The following AKR1C8 variants were observed in gnomAD, a reference collection of about 807,000 sequenced individuals.
The protein encoded by AKR1C8 is aldo-keto reductase family 1 member C-like protein 1.
the AKR1C8 span, among the ~76,000 whole-genome samples, chr10:5,135,798 T>G: frequency 2.6e-5 from 4 of 152,260 alleles, no homozygotes; most frequent in African/African-American, 9.6e-5. Flanking sequence ...TTTTAACAGG[T>G]GACAATAAAA....
chr10:5,129,338 T>C, the AKR1C8 span, among the ~76,000 whole-genome samples: 6 of 151,960 alleles, frequency 3.9e-5, no homozygotes, highest in Admixed American at 6.6e-5. Context: ...ACAGCACAAA[T>C]TGACAACCTA....
the AKR1C8 span, chr10:5,158,491 T>C: frequency 2.8e-5 from 11 of 387,028 alleles, no homozygotes; most frequent in Non-Finnish European, 5.8e-5. Context: ...TTTTCGCTTT[T>C]AATCTTTGAG....
At chr10:5,159,021 G>A in the AKR1C8 span, among the ~76,000 whole-genome samples, 42,758 of 152,010 alleles carry the variant, frequency 0.28, 6,820 homozygotes, top group Non-Finnish European at 0.36. Context: ...GCATATTCCA[G>A]TTCTGAGTGT....
the AKR1C8 span, among the ~76,000 whole-genome samples, chr10:5,177,359 T>C: frequency 6.6e-6 from 1 of 152,096 alleles, no homozygotes; most frequent in Non-Finnish European, 1.5e-5. Flanking sequence ...AGCTTTTTGA[T>C]GTGCTGCTGG....
the AKR1C8 span, among the ~76,000 whole-genome samples, chr10:5,143,547 C>A: frequency 2.0e-5 from 3 of 151,924 alleles, no homozygotes; most frequent in Admixed American, 6.6e-5. Context: ...TTTCAGAAAA[C>A]ATAATTGAAA....
At chr10:5,163,355 CCTGT>C in the AKR1C8 span, among the ~76,000 whole-genome samples, 4 of 152,116 alleles carry the variant, frequency 2.6e-5, no homozygotes, top group African/African-American at 9.6e-5. Context: ...AGCAACTGGC[CCTGT>C]CTGACAGCTG....
chr10:5,174,106 C>A, the AKR1C8 span, among the ~76,000 whole-genome samples: 1 of 151,806 alleles, frequency 6.6e-6, no homozygotes, highest in Non-Finnish European at 1.5e-5. Context: ...TGTCTTCCAA[C>A]TATACCTATT....
At chr10:5,159,467 T>C in the AKR1C8 span, among the ~76,000 whole-genome samples, 1 of 152,152 alleles carries the variant, frequency 6.6e-6, no homozygotes, top group Non-Finnish European at 1.5e-5. Flanking sequence ...CTTTTCAGTC[T>C]CCTTGCCAGT....
chr10:5,163,334 A>G, the AKR1C8 span, among the ~76,000 whole-genome samples: 1 of 152,232 alleles, frequency 6.6e-6, no homozygotes, highest in South Asian at 2.1e-4. Context: ...ATGGATAATT[A>G]TGCCACTGAA....
chr10:5,134,299 T>G, the AKR1C8 span, among the ~76,000 whole-genome samples: 1 of 152,298 alleles, frequency 6.6e-6, no homozygotes, highest in South Asian at 2.1e-4. Context: ...GTGTTGATGG[T>G]CTTCAAGATG....
At chr10:5,173,768 TAAAG>T in the AKR1C8 span, among the ~76,000 whole-genome samples, 1 of 152,004 alleles carries the variant, frequency 6.6e-6, no homozygotes, top group Non-Finnish European at 1.5e-5. Flanking sequence ...ATAATTTTCT[TAAAG>T]AACACTCAAC....
the AKR1C8 span, among the ~76,000 whole-genome samples, chr10:5,160,588 G>A: frequency 2.6e-5 from 4 of 152,116 alleles, no homozygotes; most frequent in Non-Finnish European, 2.9e-5. Context: ...AAGGCCAAAG[G>A]TGCCTCTATG....
the AKR1C8 span, among the ~76,000 whole-genome samples, chr10:5,175,921 G>A: frequency 5.3e-5 from 8 of 152,082 alleles, no homozygotes; most frequent in African/African-American, 1.7e-4. Flanking sequence ...CTCCCATTTC[G>A]TAGGTTGCCT....
chr10:5,116,804 G>A, the AKR1C8 span, among the ~76,000 whole-genome samples: 1 of 151,688 alleles, frequency 6.6e-6, no homozygotes, highest in East Asian at 1.9e-4. Context: ...GCTTTTGGGT[G>A]GCCCCTGCGT....
the AKR1C8 span, among the ~76,000 whole-genome samples, chr10:5,152,520 T>C: frequency 1.1e-4 from 16 of 152,194 alleles, no homozygotes; most frequent in African/African-American, 3.9e-4. Flanking sequence ...CAGATTGCCA[T>C]TGCAATTTAA....
the AKR1C8 span, chr10:5,132,502 T>C: frequency 8.6e-7 from 1 of 1,165,286 alleles, no homozygotes; most frequent in Non-Finnish European, 1.1e-6. Flanking sequence ...TTGGAACCAA[T>C]AAGCACAATT....
At chr10:5,132,358 T>G in the AKR1C8 span, among the ~76,000 whole-genome samples, 3 of 152,232 alleles carry the variant, frequency 2.0e-5, no homozygotes, top group African/African-American at 4.8e-5. Context: ...AAAAAATATT[T>G]TACTGATCTG....
At chr10:5,128,189 T>C in the AKR1C8 span, among the ~76,000 whole-genome samples, 1 of 152,092 alleles carries the variant, frequency 6.6e-6, no homozygotes, top group African/African-American at 2.4e-5. Context: ...CTATATTTCA[T>C]AATTGAAGGA....
chr10:5,153,157 A>G, the AKR1C8 span, among the ~76,000 whole-genome samples: 1 of 152,156 alleles, frequency 6.6e-6, no homozygotes, highest in African/African-American at 2.4e-5. Flanking sequence ...TAAAATTTTT[A>G]TTTTGTTTAA....
Sources: allele counts gnomAD v4.1 joint callset (sites outside exome capture counted in the v4.1 genomes callset), GRCh38; gene constraint gnomAD v4.1.1; transcripts MANE v1.5; gene names NCBI Gene and HGNC (gene_info 2026-07-23, HGNC 2026-07-21).